The following CRPPA variants were observed in gnomAD, a reference collection of about 807,000 sequenced individuals.
CRPPA encodes the protein CDP-L-ribitol pyrophosphorylase A, also known as D-ribitol-5-phosphate cytidylyltransferase.
CRPPA carries 43 observed loss-of-function variants against 52.0 expected under a neutral mutation model. That is an observed-to-expected ratio of 0.83 (90% confidence interval 0.65 to 1.07). CRPPA has a LOEUF of 1.07. CRPPA is among the 50% of genes least tolerant of loss of function. The pLI, the probability that CRPPA is intolerant of heterozygous loss-of-function variation, is 0.00. For missense variants in CRPPA, 629 were observed against 551.7 expected (o/e 1.14, Z -1.40); for synonymous variants, 250 against 203.5 (o/e 1.23, Z -1.94).
At position 16,356,325 on chromosome 7, in the gene CRPPA, A is replaced by G. The variant is rs540806099; in HGVS notation, c.684+19767T>C. Among the ~76,000 whole-genome samples, 381 of 152,318 alleles carry G rather than the reference A, an allele frequency of 2.5e-3. 1 individual carries two copies. The highest frequency in any genetic ancestry group is 3.0e-3 in the Non-Finnish European group (207 of 68,030). ...CCACAACTCAGAAATATAGCACATCAACAACAATAAATAAACTCAAAGCTG... is the reference window on the plus strand; with the variant it reads ...CCACAACTCAGAAATATAGCACATCGACAACAATAAATAAACTCAAAGCTG... On this transcript the variant is annotated intron_variant, in intron 3 of 9. Coordinates refer to ENST00000407010, the MANE Select transcript of CRPPA (RefSeq NM_001101426.4).
At chr7:16,384,496 G>A (rs1202210901) in intron 2 of CRPPA, among the ~76,000 whole-genome samples, 1 of 152,166 alleles carries the variant, frequency 6.6e-6, no homozygotes, top group East Asian at 1.9e-4. Context: ...AGGGATATAT[G>A]CCCAAGGCAT....
At chr7:16,397,164 C>A (rs766074321) in intron 2 of CRPPA, among the ~76,000 whole-genome samples, 2 of 152,236 alleles carry the variant, frequency 1.3e-5, no homozygotes, top group Non-Finnish European at 2.9e-5. Flanking sequence ...TAGCAAAATG[C>A]CAATGACACG....
chr7:16,209,665 A>T (rs1782078541), intron 9 of CRPPA, among the ~76,000 whole-genome samples: 1 of 152,178 alleles, frequency 6.6e-6, no homozygotes, highest in South Asian at 2.1e-4. Flanking sequence ...AAAGAAAGCA[A>T]ATCTAAAACA....
chr7:16,342,339 A>T (rs1296632889), intron 3 of CRPPA, among the ~76,000 whole-genome samples: 3 of 152,186 alleles, frequency 2.0e-5, no homozygotes, highest in African/African-American at 7.2e-5. Flanking sequence ...AATATATTTC[A>T]TTTGAGAAAA....
chr7:16,278,179 T>C lies in CRPPA; in HGVS notation c.883A>G (p.Asn295Asp), dbSNP rs1784248655. 1 of 1,584,568 alleles carries C rather than the reference T, an allele frequency of 6.3e-7. No individual in the cohort carries two copies. Among genetic ancestry groups the C allele is most frequent in the South Asian group, 1.1e-5 (1 of 88,542 alleles). ...TCAAGAAGATGACCTACATGTTTGT[T>C]ATCTTCTTCTGTATCCATAACTACA... ...ICVVMDTEED[N>D]KHVGHLLEEV... The change falls in exon 6 of 10, where the codon AAC becomes GAC. Residue 295 changes from asparagine to aspartate, a missense_variant. By Grantham distance (23) the Asn-to-Asp change is conservative (BLOSUM62 1). Coordinates refer to ENST00000407010, the MANE Select transcript of CRPPA (RefSeq NM_001101426.4).
In CRPPA at chr7:16,089,936, A is replaced by G. The variant is rs958944105; in HGVS notation, c.*1759T>C. On this transcript the variant is annotated 3_prime_UTR_variant, in exon 10 of 10. Coordinates refer to ENST00000407010, the MANE Select transcript of CRPPA (RefSeq NM_001101426.4). ...ACCCTCTCTTTAAAGCCTTGATAAC[A>G]TTTCCCCTTCTTCCTTTATGAGCAC... 3 of 155,822 alleles carry G rather than the reference A, an allele frequency of 1.9e-5. No homozygotes were observed. The highest frequency in any genetic ancestry group is 7.2e-5 in the African/African-American group (3 of 41,392). 9.7% of individuals were successfully genotyped at this position (155,822 alleles called of 1,614,324 possible). A position where few individuals can be genotyped will look rare whatever the true frequency, so the allele number is the denominator to read the frequency against.
In CRPPA at chr7:16,401,601, T is replaced by C. The variant is rs573942913; in HGVS notation, c.534+4460A>G. 2.6e-5 allele frequency among the ~76,000 whole-genome samples: 4 copies of C among 152,340 alleles called. No individual in the cohort carries two copies. The East Asian group carries it at 7.7e-4, about 29-fold the overall frequency. On this transcript the variant is annotated intron_variant, in intron 2 of 9. Coordinates refer to ENST00000407010, the MANE Select transcript of CRPPA (RefSeq NM_001101426.4). ...TGTTGATGCAGTCTCATTTGAGTCA[T>C]CCTATTGTTAGTGTTCTTAGAGTCA... is the stretch of plus-strand genomic sequence containing the variant.
chr7:16,165,130 T>C (rs1781025820), intron 9 of CRPPA, among the ~76,000 whole-genome samples: 1 of 152,232 alleles, frequency 6.6e-6, no homozygotes, highest in South Asian at 2.1e-4. Flanking sequence ...GTCACCTTTC[T>C]TTAATTTTAT....
intron 6 of CRPPA, among the ~76,000 whole-genome samples, chr7:16,262,396 CATA>C (rs1027852422): frequency 6.6e-6 from 1 of 152,128 alleles, no homozygotes; most frequent in African/African-American, 2.4e-5. Context: ...GCGCTGCTTT[CATA>C]ATAATTTTGT....
chr7:16,333,336 T>A (rs572831866), intron 3 of CRPPA, among the ~76,000 whole-genome samples: 1 of 152,310 alleles, frequency 6.6e-6, no homozygotes, highest in Admixed American at 6.5e-5. Context: ...CAGACTCATA[T>A]GAAGCATTCA....
At position 16,336,555 on chromosome 7, in the gene CRPPA, G is replaced by C. The variant is rs1382053946; in HGVS notation, c.685-27928C>G. On this transcript the variant is annotated intron_variant, in intron 3 of 9. Transcript: ENST00000407010. ...AACTTCATAAAACCACAAAGGAAAA[G>C]AGCAAAAAAAAAAAAAAGGAAAGAA... Among the ~76,000 whole-genome samples the C allele has an allele frequency of 2.3e-4, 18 of 77,164 alleles. No individual in the cohort carries two copies. In the South Asian group the frequency reaches 0.011, roughly 47 times the overall value. 50.6% of individuals were successfully genotyped at this position (77,164 alleles called of 152,430 possible).
chr7:16,328,663 T>C (rs1354377704), intron 3 of CRPPA, among the ~76,000 whole-genome samples: 1 of 152,054 alleles, frequency 6.6e-6, no homozygotes, highest in East Asian at 1.9e-4. Flanking sequence ...TACAGGCACA[T>C]GCCACCACGC....
intron 1 of CRPPA, among the ~76,000 whole-genome samples, chr7:16,407,420 A>G (rs1787980758): frequency 1.3e-5 from 2 of 152,210 alleles, no homozygotes; most frequent in African/African-American, 4.8e-5. Flanking sequence ...GAGTCAATAT[A>G]CCACAGCCCA....
intron 6 of CRPPA, among the ~76,000 whole-genome samples, chr7:16,276,041 G>A (rs1459818563): frequency 6.6e-6 from 1 of 151,626 alleles, no homozygotes; most frequent in Non-Finnish European, 1.5e-5. Context: ...GAAACAAGGC[G>A]AGAAAATTTA....
intron 4 of CRPPA, among the ~76,000 whole-genome samples, chr7:16,302,451 G>A (rs1784809931): frequency 6.6e-6 from 1 of 152,106 alleles, no homozygotes; most frequent in Non-Finnish European, 1.5e-5. Context: ...TAAGTGCATT[G>A]TGTTGCAGAA....
chr7:16,299,619 A>G (rs1042381773), intron 5 of CRPPA, among the ~76,000 whole-genome samples: 10 of 152,212 alleles, frequency 6.6e-5, no homozygotes, highest in Non-Finnish European at 1.3e-4. Context: ...TATTAGATAT[A>G]CAAACCCTAA....
chr7:16,407,744 G>T (rs935520486), intron 1 of CRPPA, among the ~76,000 whole-genome samples: 2 of 152,102 alleles, frequency 1.3e-5, no homozygotes, highest in Non-Finnish European at 2.9e-5. Context: ...AAAACCAAGA[G>T]CTACTTTATA....
At chr7:16,410,089 C>T (rs1050286262) in intron 1 of CRPPA, among the ~76,000 whole-genome samples, 1 of 152,096 alleles carries the variant, frequency 6.6e-6, no homozygotes, top group African/African-American at 2.4e-5. Context: ...AACAGCATTC[C>T]CTATGCAGTG....
chr7:16,129,999 T>C (rs899170097), intron 9 of CRPPA, among the ~76,000 whole-genome samples: 1 of 152,164 alleles, frequency 6.6e-6, no homozygotes, highest in African/African-American at 2.4e-5. Context: ...TAAATAACTA[T>C]CGAATTTTTT....
Sources: allele counts gnomAD v4.1 joint callset (sites outside exome capture counted in the v4.1 genomes callset), GRCh38; gene constraint gnomAD v4.1.1; transcripts MANE v1.5; gene names NCBI Gene and HGNC (gene_info 2026-07-23, HGNC 2026-07-21).